SMAD7: variants seen among roughly 807,000 people sequenced by gnomAD.
SMAD7 encodes the protein MAD (mothers against decapentaplegic, Drosophila) homolog 7.
A neutral mutation model predicts 38.7 loss-of-function variants in SMAD7; 8 were observed. The ratio of observed to expected loss-of-function variants is 0.21; its 90% CI spans 0.12 to 0.37. The LOEUF (loss-of-function observed/expected upper bound fraction) is 0.37. Ranked by LOEUF, SMAD7 falls within the 10% of genes least tolerant of loss-of-function variation. The pLI is 1.00. For missense variants in SMAD7, 477 were observed against 577.9 expected (o/e 0.83, Z 1.79); for synonymous variants, 327 against 265.1 (o/e 1.23, Z -2.27).
At chr18:48,945,487 G>A (rs543472726) in intron 2 of SMAD7, among the ~76,000 whole-genome samples, 45 of 152,172 alleles carry the variant, frequency 3.0e-4, no homozygotes, top group African/African-American at 6.3e-4. Flanking sequence ...GCACTGCATC[G>A]GAATCCTCAA....
chr18:48,950,125 G>T lies in SMAD7; in HGVS notation c.300C>A (p.Leu100=), dbSNP rs1200444666. Residue 100 remains leucine, a synonymous_variant, in exon 1 of 4, where the codon CTC becomes CTA. Coordinates refer to ENST00000262158, the MANE Select transcript of SMAD7 (RefSeq NM_005904.4). ...ADLKALTHSV[L]KKLKERQLEL... Reference sequence around the variant, plus strand: ...CCAGCTGCCGCTCCTTCAGTTTCTTGAGCACCGAGTGCGTGAGCGCCTTCA... The same window carrying T: ...CCAGCTGCCGCTCCTTCAGTTTCTTTAGCACCGAGTGCGTGAGCGCCTTCA... 1 of 1,494,500 alleles carries T rather than the reference G, an allele frequency of 6.7e-7. No individual in the cohort carries two copies. The highest frequency in any genetic ancestry group is 8.9e-7 in the Non-Finnish European group (1 of 1,125,756). 92.6% of individuals were successfully genotyped at this position (1,494,500 alleles called of 1,614,324 possible).
rs900444314 is a variant in SMAD7 at position 48,950,372 on chromosome 18, G to T, written c.53C>A (p.Ala18Glu). 11 of 1,542,812 alleles carry T rather than the reference G, an allele frequency of 7.1e-6. No individual in the cohort carries two copies. The highest frequency in any genetic ancestry group is 9.6e-6 in the Non-Finnish European group (11 of 1,144,280). ...ALVRRLWRSR[A>E]PGGEDEEEGA... ...CTCCTCCTCGTCCTCGCCGCCGGGC[G>T]CACGGCTCCTCCAGAGACGCCGGAC... Residue 18 changes from alanine (A) to glutamate (E), a missense_variant, in exon 1 of 4, where the codon GCG (alanine) becomes GAG (glutamate). Coordinates refer to ENST00000262158, the MANE Select transcript of SMAD7 (RefSeq NM_005904.4).
chr18:48,942,855 T>G (rs1232636517), intron 2 of SMAD7: 2 of 1,134,122 alleles, frequency 1.8e-6, no homozygotes, highest in Non-Finnish European at 2.2e-6. Context: ...GGATACCAGG[T>G]GGTTCCCAAG....
intron 3 of SMAD7, among the ~76,000 whole-genome samples, chr18:48,941,119 T>C (rs1210572504): frequency 4.6e-5 from 7 of 152,168 alleles, no homozygotes; most frequent in Admixed American, 4.6e-4. Flanking sequence ...TTTCCTCTCA[T>C]TGGCCTTCTT....
chr18:48,948,545 G>A (rs1231479342), intron 1 of SMAD7, 108 bp from the exon 2 acceptor site: 6 of 753,942 alleles, frequency 8.0e-6, no homozygotes, highest in Non-Finnish European at 1.3e-5. Flanking sequence ...CTTAGCTGTG[G>A]GGGTTGGAGG....
chr18:48,946,750 A>G (rs2070200007), intron 2 of SMAD7, among the ~76,000 whole-genome samples: 2 of 152,216 alleles, frequency 1.3e-5, no homozygotes, highest in Non-Finnish European at 2.9e-5. Context: ...ATGAATAAAT[A>G]TATCACTCCA....
In SMAD7 at chr18:48,942,103, C is replaced by CGTGTAA. The variant is rs200793557; in HGVS notation, c.742+377_742+378insTTACAC. On this transcript the variant is annotated intron_variant, in intron 3 of 3. Coordinates refer to ENST00000262158, the MANE Select transcript of SMAD7 (RefSeq NM_005904.4). Reference sequence around the variant, plus strand: ...AAAGGTGGGTCCATTCCCTTTACATCCCCCATGCGCAAAGAGCAAAAGCAA... The same window carrying CGTGTAA: ...AAAGGTGGGTCCATTCCCTTTACATCGTGTAACCCCATGCGCAAAGAGCAAAAGCAA... 5.8e-3 allele frequency among the ~76,000 whole-genome samples: 884 copies of CGTGTAA among 152,302 alleles called. 4 individuals are homozygous for CGTGTAA. Among genetic ancestry groups the CGTGTAA allele is most frequent in the African/African-American group, 0.02 (819 of 41,568 alleles).
rs2069866677 is a variant in SMAD7, at chr18:48,921,873, G to C, written c.780C>G (p.His260Gln). 3 of 1,611,076 alleles carry C rather than the reference G, an allele frequency of 1.9e-6. No homozygotes were observed. The highest frequency in any genetic ancestry group is 2.5e-6 in the Non-Finnish European group (3 of 1,179,556). Residue 260 changes from histidine to glutamine, a missense_variant, in exon 4 of 4, where the codon CAC becomes CAG. His to Gln is a conservative substitution (Grantham distance 24, BLOSUM62 0). Transcript: ENST00000262158. This position sits in a 1 kb window ranked among gnomAD's most constrained non-coding sequence, Gnocchi z 6.4. ...CCTCCCAGTATGCCACCACGCACCA[G>C]TGTGACCGATCCCCAGGCTCCAGAA... ...QLLLEPGDRS[H>Q]WCVVAYWEEK...
In SMAD7 at chr18:48,921,323, G is replaced by A; in HGVS notation, c.*49C>T. ...GGAGGAAAATATTAGCAGCAAAGTA[G>A]TTTGAAGTGTGGCCTGCTCAGCTCA... On this transcript the variant is annotated 3_prime_UTR_variant, in exon 4 of 4. Coordinates refer to ENST00000262158, the MANE Select transcript of SMAD7 (RefSeq NM_005904.4). This position sits in a 1 kb window ranked among gnomAD's most constrained non-coding sequence, Gnocchi z 6.4. The A allele has an allele frequency of 6.6e-7, 1 of 1,506,798 alleles. No individual in the cohort carries two copies. Among genetic ancestry groups the A allele is most frequent in the African/African-American group, 1.4e-5 (1 of 72,398 alleles). 93.3% of individuals were successfully genotyped at this position (1,506,798 alleles called of 1,614,324 possible).
rs2070247172 is a variant in SMAD7 at position 48,950,266 on chromosome 18, G to A, written c.159C>T (p.Gly53=). ...GGCAGCATCCAGCCCTGCCCGGGCCGCCGCCACCGGCCCCATGCGCTCGGC... is the reference window on the plus strand; with the variant it reads ...GGCAGCATCCAGCCCTGCCCGGGCCACCGCCACCGGCCCCATGCGCTCGGC... The part of the protein sequence containing the change: ...TDSRAHGAGG[G]GPGRAGCCLG... The change falls in exon 1 of 4, where the codon GGC becomes GGT. Residue 53 remains glycine (G), a synonymous_variant. Coordinates refer to ENST00000262158, the MANE Select transcript of SMAD7 (RefSeq NM_005904.4). The A allele has an allele frequency of 6.6e-7, 1 of 1,518,090 alleles. No individual in the cohort carries two copies. The allele number at this position is 1,518,090 out of a possible 1,614,324, so 94.0% of individuals were successfully genotyped here.
intron 3 of SMAD7, among the ~76,000 whole-genome samples, chr18:48,934,410 TA>T (rs1365356277): frequency 2.0e-5 from 3 of 150,428 alleles, no homozygotes; most frequent in African/African-American, 7.4e-5. Flanking sequence ...CGGGGGTGGG[TA>T]AAAAGGCTAA....
Position 48,921,864 on chromosome 18 carries a change from C to T in SMAD7, c.789G>A (p.Val263=). Residue 263 remains valine, a synonymous_variant, in exon 4 of 4, where the codon GTG becomes GTA. Coordinates refer to ENST00000262158, the MANE Select transcript of SMAD7 (RefSeq NM_005904.4). This position sits in a 1 kb window ranked among gnomAD's most constrained non-coding sequence, Gnocchi z 6.4. ...TCGTCTTCTCCTCCCAGTATGCCAC[C>T]ACGCACCAGTGTGACCGATCCCCAG... ...LEPGDRSHWC[V]VAYWEEKTRV... 2 of 1,612,848 alleles carry T rather than the reference C, an allele frequency of 1.2e-6. No individual in the cohort carries two copies. Among genetic ancestry groups the T allele is most frequent in the East Asian group, 2.2e-5 (1 of 44,876 alleles).
At chr18:48,947,677 GA>G (rs1242482329) in intron 2 of SMAD7, among the ~76,000 whole-genome samples, 7 of 152,190 alleles carry the variant, frequency 4.6e-5, no homozygotes, top group African/African-American at 1.7e-4. Flanking sequence ...CCAGAGGATG[GA>G]CCCCTGTGCT....
At chr18:48,923,912 G>A (rs1313243486) in intron 3 of SMAD7, among the ~76,000 whole-genome samples, 1 of 152,196 alleles carries the variant, frequency 6.6e-6, no homozygotes, top group East Asian at 1.9e-4. Context: ...GCATTCACTT[G>A]TTTCTGCAAA....
intron 3 of SMAD7, among the ~76,000 whole-genome samples, chr18:48,937,246 G>C (rs565551313): frequency 1.4e-3 from 203 of 146,982 alleles, no homozygotes; most frequent in African/African-American, 4.9e-3. Flanking sequence ...CTACAGTCAG[G>C]CTTTGCTAAG....
chr18:48,948,335 C>T (rs749744793), intron 2 of SMAD7, 49 bp downstream of exon 2: 2 of 1,361,618 alleles, frequency 1.5e-6, no homozygotes, highest in Non-Finnish European at 1.0e-6. Context: ...TCTAGAGGCT[C>T]TATTTCTAAC....
rs774690040 is a variant in SMAD7, at chr18:48,921,890, G to T, written c.763C>A (p.Pro255Thr). Residue 255 changes from proline (P) to threonine (T), a missense_variant, in exon 4 of 4, where the codon CCT becomes ACT. This residue lies in a region of SMAD7 where 376 missense variants were observed against 379.4 expected (regional missense o/e 0.99). Transcript: ENST00000262158. This position sits in a 1 kb window ranked among gnomAD's most constrained non-coding sequence, Gnocchi z 6.4. ...GLSDSQLLLE[P>T]GDRSHWCVVA... The stretch of plus-strand genomic sequence containing the variant: ...ACGCACCAGTGTGACCGATCCCCAG[G>T]CTCCAGAAGAAGTTGGGAATCTAGA... The T allele has an allele frequency of 2.5e-6, 4 of 1,605,408 alleles. No individual in the cohort carries two copies. In the East Asian group the frequency reaches 8.9e-5, roughly 36 times the overall value.
intron 3 of SMAD7, among the ~76,000 whole-genome samples, chr18:48,934,337 C>T (rs934380293): frequency 2.0e-5 from 3 of 152,020 alleles, no homozygotes; most frequent in African/African-American, 4.8e-5. Flanking sequence ...CTTGAAAACA[C>T]GAAGGCAGCC....
At chr18:48,949,534 G>T (rs1040302037) in intron 1 of SMAD7, among the ~76,000 whole-genome samples, 4 of 152,156 alleles carry the variant, frequency 2.6e-5, no homozygotes, top group African/African-American at 9.7e-5. Context: ...GACTGCAGGA[G>T]CAGTGCCCGT....
Sources: allele counts gnomAD v4.1 joint callset (sites outside exome capture counted in the v4.1 genomes callset), GRCh38; gene constraint gnomAD v4.1.1; regional missense constraint gnomAD v4.1.1; non-coding constraint Gnocchi (gnomAD v3.1); transcripts MANE v1.5; gene names NCBI Gene and HGNC (gene_info 2026-07-23, HGNC 2026-07-21).